Variants in RELN observed in about 807,000 individuals in gnomAD.
The protein encoded by RELN is reelin.
A neutral mutation model predicts 427.6 loss-of-function variants in RELN; 108 were observed. The ratio of observed to expected loss-of-function variants is 0.25; its 90% CI spans 0.22 to 0.30. The LOEUF is 0.30. Among genes scored for constraint, RELN ranks in the 10% least tolerant of loss-of-function variants. The pLI is 1.00. For synonymous variants in RELN, 1,524 were observed against 1,513.4 expected (o/e 1.01, Z -0.16); for missense variants, 3,715 against 4,302.8 (o/e 0.86, Z 3.82).
At chr7:103,694,506 C>T (rs1459807112) in intron 10 of RELN, among the ~76,000 whole-genome samples, 155 of 110,742 alleles carry the variant, frequency 1.4e-3, no homozygotes, top group African/African-American at 5.8e-3. Context: ...ATGATGATGG[C>T]GACGACGATG....
At chr7:103,875,964 C>T (rs750888188) in intron 2 of RELN, among the ~76,000 whole-genome samples, 3 of 152,054 alleles carry the variant, frequency 2.0e-5, no homozygotes, top group Admixed American at 1.3e-4. Flanking sequence ...TGCAACATCA[C>T]AGAAAAGCCA....
chr7:103,680,754 A>G (rs1001054463), intron 11 of RELN, among the ~76,000 whole-genome samples: 1 of 151,608 alleles, frequency 6.6e-6, no homozygotes, highest in African/African-American at 2.4e-5. Flanking sequence ...AATGAGAAAC[A>G]GTGGTTTCTG....
intron 3 of RELN, among the ~76,000 whole-genome samples, chr7:103,812,249 C>T (rs901139906): frequency 6.6e-6 from 1 of 152,168 alleles, no homozygotes; most frequent in African/African-American, 2.4e-5. Flanking sequence ...CATCCTTTCT[C>T]CCCAGACCCT....
chr7:103,804,250 T>C (rs866201184), intron 3 of RELN, among the ~76,000 whole-genome samples: 2 of 152,154 alleles, frequency 1.3e-5, no homozygotes, highest in Non-Finnish European at 2.9e-5. Context: ...ATAAGAATTA[T>C]TCTAAATTAT....
intron 3 of RELN, among the ~76,000 whole-genome samples, chr7:103,821,372 A>G (rs968691824): frequency 6.6e-6 from 1 of 152,184 alleles, no homozygotes; most frequent in East Asian, 1.9e-4. Flanking sequence ...CTGTTATCAC[A>G]TATTACAAAA....
chr7:103,939,564 T>C (rs1306852192), intron 1 of RELN, among the ~76,000 whole-genome samples: 4 of 152,244 alleles, frequency 2.6e-5, no homozygotes, highest in Admixed American at 2.6e-4. Context: ...TAACCATTCT[T>C]TGTGTACTTT....
In RELN at chr7:103,764,202, A is replaced by C. The variant is rs113942720; in HGVS notation, c.545-10988T>G. Among the ~76,000 whole-genome samples, 13 of 152,338 alleles carry C rather than the reference A, an allele frequency of 8.5e-5. 1 individual carries two copies. Among genetic ancestry groups the C allele is most frequent in the African/African-American group, 2.9e-4 (12 of 41,580 alleles). ...AGCTAACATCTACGGAGTATGTGCT[A>C]GCCACTATGCTATGCACTTCATCAC... is the stretch of plus-strand genomic sequence containing the variant. On this transcript the variant is annotated intron_variant, in intron 4 of 64. Coordinates refer to ENST00000428762, the MANE Select transcript of RELN (RefSeq NM_005045.4).
At chr7:103,862,323 A>T (rs1473862121) in intron 2 of RELN, among the ~76,000 whole-genome samples, 1 of 152,138 alleles carries the variant, frequency 6.6e-6, no homozygotes, top group Non-Finnish European at 1.5e-5. Flanking sequence ...TCAGGTGGAT[A>T]AAAGGCAGCT....
At chr7:103,506,897 A>G (rs767542280) in intron 51 of RELN, among the ~76,000 whole-genome samples, 33 of 152,232 alleles carry the variant, frequency 2.2e-4, no homozygotes, top group Non-Finnish European at 2.9e-5. Context: ...AGTCTCTGAT[A>G]AAACAGACTT....
At chr7:103,832,871 T>C (rs1793308180) in intron 3 of RELN, among the ~76,000 whole-genome samples, 1 of 152,152 alleles carries the variant, frequency 6.6e-6, no homozygotes, top group South Asian at 2.1e-4. Flanking sequence ...AAATCTGTGG[T>C]CTTCTTCCAA....
At chr7:103,782,867 G>C (rs917883894) in intron 3 of RELN, among the ~76,000 whole-genome samples, 1 of 152,072 alleles carries the variant, frequency 6.6e-6, no homozygotes, top group Admixed American at 6.6e-5. Flanking sequence ...TTTACCTCCA[G>C]GGGTGGGTTG....
At chr7:103,526,419 T>A (rs536642612) in intron 46 of RELN, among the ~76,000 whole-genome samples, 1 of 152,332 alleles carries the variant, frequency 6.6e-6, no homozygotes, top group East Asian at 1.9e-4. Flanking sequence ...TAGTAGGTTC[T>A]ATGTCCACGG....
chr7:103,739,348 A>G (rs1790580638), intron 6 of RELN, among the ~76,000 whole-genome samples: 1 of 152,196 alleles, frequency 6.6e-6, no homozygotes, highest in South Asian at 2.1e-4. Flanking sequence ...ATTCTTCTGA[A>G]TTTAGTTATA....
At chr7:103,617,493 A>C (rs1332732595) in intron 20 of RELN, among the ~76,000 whole-genome samples, 1 of 150,750 alleles carries the variant, frequency 6.6e-6, no homozygotes, top group Non-Finnish European at 1.5e-5. Context: ...GGACATCTGA[A>C]AGGAATCTAT....
chr7:103,489,980 G>A, intron 59 of RELN, 81 bp from the exon 60 acceptor site: 1 of 1,544,816 alleles, frequency 6.5e-7, no homozygotes, highest in Non-Finnish European at 8.9e-7. Context: ...CTCTGGGAGA[G>A]GGGACTATTT....
At chr7:103,836,008 C>A (rs1289481150) in intron 2 of RELN, among the ~76,000 whole-genome samples, 1 of 149,678 alleles carries the variant, frequency 6.7e-6, no homozygotes, top group East Asian at 2.0e-4. Context: ...CAGGCTAGAG[C>A]GCAATGGTGC....
chr7:103,665,923 G>GT (rs1420300849), intron 11 of RELN, among the ~76,000 whole-genome samples: 2 of 150,982 alleles, frequency 1.3e-5, no homozygotes, highest in African/African-American at 4.9e-5. Context: ...TGCATTATGT[G>GT]TTTTTTTCTC....
chr7:103,979,826 A>G (rs372210841), intron 1 of RELN, among the ~76,000 whole-genome samples: 2 of 152,202 alleles, frequency 1.3e-5, no homozygotes, highest in Non-Finnish European at 2.9e-5. Flanking sequence ...CAAATCCTAT[A>G]TAAGTTCTAT....
intron 11 of RELN, among the ~76,000 whole-genome samples, chr7:103,670,092 G>C (rs1003848038): frequency 6.6e-6 from 1 of 152,066 alleles, no homozygotes; most frequent in Non-Finnish European, 1.5e-5. Context: ...AAAAAATAAT[G>C]TAAAGAGGTG....
Sources: gnomAD v4.1 joint callset for allele counts (sites outside exome capture counted in the v4.1 genomes callset) on GRCh38, gnomAD v4.1.1 for gene constraint, MANE v1.5 for transcripts, NCBI Gene and HGNC (gene_info 2026-07-23, HGNC 2026-07-21) for gene names.